LRRK1: variants seen among roughly 807,000 people sequenced by gnomAD.
The protein encoded by LRRK1 is leucine-rich repeat serine/threonine-protein kinase 1.
A neutral mutation model predicts 209.1 loss-of-function variants in LRRK1; 113 were observed. The observed-to-expected ratio is 0.54, with a 90% CI of 0.46 to 0.63. The LOEUF is 0.63. LRRK1 is among the 30% of genes least tolerant of loss of function. The pLI is 0.00. For synonymous variants in LRRK1, 1,144 were observed against 1,099.7 expected (o/e 1.04, Z -0.80); for missense variants, 2,284 against 2,632.2 (o/e 0.87, Z 2.89).
At chr15:100,962,900 C>G (rs1319291804) in intron 2 of LRRK1, among the ~76,000 whole-genome samples, 2 of 138,844 alleles carry the variant, frequency 1.4e-5, no homozygotes, top group Non-Finnish European at 3.1e-5. Context: ...CTCGGCTCAC[C>G]ACAACCTCTA....
Position 101,009,076 on chromosome 15 carries a change from G to C in LRRK1, c.989+13G>C, listed in dbSNP as rs772736759. On this transcript the variant is annotated intron_variant, in intron 7 of 33. Transcript: ENST00000388948. The stretch of plus-strand genomic sequence containing the variant: ...TCATCTGTTCCAGGTGGCTCCCCGG[G>C]GTGTGACCGGAGCCGTGTGTGACCC... 1 of 1,595,032 alleles carries C rather than the reference G, an allele frequency of 6.3e-7. No individual in the cohort carries two copies. The highest frequency in any genetic ancestry group is 8.6e-7 in the Non-Finnish European group (1 of 1,163,288).
intron 23 of LRRK1, among the ~76,000 whole-genome samples, chr15:101,050,115 T>C (rs908366452): frequency 9.2e-5 from 14 of 152,110 alleles, no homozygotes; most frequent in African/African-American, 3.4e-4. Context: ...CGTGTCTTGT[T>C]TTCATAGTGA....
At chr15:100,946,606 C>T (rs1393311861) in intron 2 of LRRK1, among the ~76,000 whole-genome samples, 1 of 152,226 alleles carries the variant, frequency 6.6e-6, no homozygotes, top group Non-Finnish European at 1.5e-5. Context: ...CTCAGCTATA[C>T]AGGCAGTCTC....
At chr15:100,954,095 T>C (rs568226117) in intron 2 of LRRK1, among the ~76,000 whole-genome samples, 3 of 152,258 alleles carry the variant, frequency 2.0e-5, no homozygotes, top group African/African-American at 4.8e-5. Flanking sequence ...TTTGTATTTT[T>C]AGTAGAAATG....
At chr15:100,984,964 G>A (rs765859625) in intron 4 of LRRK1, among the ~76,000 whole-genome samples, 9 of 152,246 alleles carry the variant, frequency 5.9e-5, no homozygotes, top group Non-Finnish European at 8.8e-5. Flanking sequence ...CCCACGTTAC[G>A]TTTAATACTC....
Position 101,021,892 on chromosome 15 carries a change from A to G in LRRK1, c.1787A>G (p.Asn596Ser), listed in dbSNP as rs2033813542. The G allele has an allele frequency of 6.2e-7, 1 of 1,613,854 alleles. No individual in the cohort carries two copies. Among genetic ancestry groups the G allele is most frequent in the African/African-American group, 1.3e-5 (1 of 74,910 alleles). Residue 596 changes from asparagine (N) to serine (S), a missense_variant, in exon 14 of 34, where the codon AAC (asparagine) becomes AGC (serine). Around this residue, in one of 6 missense-constraint regions of LRRK1, gnomAD observed 494 missense variants for 522.1 expected, o/e 0.95. Coordinates refer to ENST00000388948, the MANE Select transcript of LRRK1 (RefSeq NM_024652.6). The stretch of plus-strand genomic sequence containing the variant: ...CCTCCTGAGCTGGGGCAGCTGGGCA[A>G]CCTCTGGCAGCTGGACACTGAAGAC... Reference protein sequence around the residue: ...ELPPELGQLGNLWQLDTEDLT... With the variant: ...ELPPELGQLGSLWQLDTEDLT...
At chr15:100,950,212 C>A (rs955806524) in intron 2 of LRRK1, among the ~76,000 whole-genome samples, 1 of 135,364 alleles carries the variant, frequency 7.4e-6, no homozygotes, top group African/African-American at 2.9e-5. Flanking sequence ...ACTTAACAAT[C>A]TGAAAATTTA....
At chr15:100,954,738 A>G (rs2042719539) in intron 2 of LRRK1, among the ~76,000 whole-genome samples, 1 of 152,148 alleles carries the variant, frequency 6.6e-6, no homozygotes, top group African/African-American at 2.4e-5. Flanking sequence ...GACACTATTT[A>G]TTGAAAAGGC....
rs558357103 is a variant in LRRK1, at chr15:100,964,356, T to C, written c.98-9448T>C. Among the ~76,000 whole-genome samples, 269 of 152,306 alleles carry C rather than the reference T, an allele frequency of 1.8e-3. 1 individual carries two copies. Among genetic ancestry groups the C allele is most frequent in the Admixed American group, 2.9e-3 (45 of 15,298 alleles). On this transcript the variant is annotated intron_variant, in intron 2 of 33. Coordinates refer to ENST00000388948, the MANE Select transcript of LRRK1 (RefSeq NM_024652.6). ...TAAACGGCTGCTGATGCTGAAACGC[T>C]AGAGTGATATCTGGTGAAAAAAGAA... is the stretch of plus-strand genomic sequence containing the variant.
intron 12 of LRRK1, among the ~76,000 whole-genome samples, chr15:101,020,484 C>T (rs1324884943): frequency 6.6e-6 from 1 of 150,712 alleles, no homozygotes; most frequent in African/African-American, 2.5e-5. Context: ...AAGTAATTCT[C>T]CTGCCTCAGC....
chr15:101,064,218 T>C (rs558286578), intron 31 of LRRK1, among the ~76,000 whole-genome samples: 1 of 152,370 alleles, frequency 6.6e-6, no homozygotes, highest in Admixed American at 6.5e-5. Context: ...TGGATTTCGA[T>C]ACGCTTTCTT....
At chr15:101,038,278 C>G (rs1271668269) in intron 20 of LRRK1, among the ~76,000 whole-genome samples, 2 of 152,172 alleles carry the variant, frequency 1.3e-5, no homozygotes, top group African/African-American at 2.4e-5. Flanking sequence ...GTACACTGCT[C>G]AGGTGATGGG....
intron 2 of LRRK1, among the ~76,000 whole-genome samples, chr15:100,942,935 C>A (rs529195044): frequency 3.3e-5 from 5 of 152,144 alleles, no homozygotes; most frequent in African/African-American, 1.2e-4. Flanking sequence ...GTTCTCCATC[C>A]GCCAGTGCTT....
At position 101,068,634 on chromosome 15, in the gene LRRK1, C is replaced by T. The variant is rs1474334528; in HGVS notation, c.5871-37C>T. 5 of 1,531,086 alleles carry T rather than the reference C, an allele frequency of 3.3e-6. No individual in the cohort carries two copies. The Admixed American group carries it at 9.9e-5, about 30-fold the overall frequency. 94.8% of individuals were successfully genotyped at this position (1,531,086 alleles called of 1,614,324 possible). ...GGTCCCAACCCCACCCGAGTGGGAACCCCTGTGAGTTTCCTCAGACCCCCT... is the reference window on the plus strand; with the variant it reads ...GGTCCCAACCCCACCCGAGTGGGAATCCCTGTGAGTTTCCTCAGACCCCCT... On this transcript the variant is annotated intron_variant, in intron 33 of 33. Coordinates refer to ENST00000388948, the MANE Select transcript of LRRK1 (RefSeq NM_024652.6).
chr15:101,059,389 C>CCCTG (rs2036021774), intron 29 of LRRK1, among the ~76,000 whole-genome samples: 1 of 151,138 alleles, frequency 6.6e-6, no homozygotes, highest in South Asian at 2.1e-4. Flanking sequence ...CAGAGTGAGA[C>CCCTG]CCTGCCTCAG....
At chr15:101,067,160 C>T (rs1351180985) in intron 33 of LRRK1, 1 of 429,282 alleles carries the variant, frequency 2.3e-6, no homozygotes, top group African/African-American at 2.0e-5. Flanking sequence ...ACCTTGTCAT[C>T]TCCAAGCCTG....
rs768518027 is a variant in LRRK1 at position 101,053,302 on chromosome 15, C to G, written c.3936C>G (p.His1312Gln). Reference protein sequence around the residue: ...SEFRQEASMLHALQHPCIVAL... With the variant: ...SEFRQEASMLQALQHPCIVAL... ...TCCGGCAGGAGGCCAGCATGCTGCA[C>G]GCGCTGCAGCACCCCTGCATCGTGG... Residue 1312 changes from histidine to glutamine, a missense_variant, in exon 26 of 34, where the codon CAC becomes CAG. Around this residue, in one of 6 missense-constraint regions of LRRK1, gnomAD observed 780 missense variants for 985.2 expected, o/e 0.79. Coordinates refer to ENST00000388948, the MANE Select transcript of LRRK1 (RefSeq NM_024652.6). 6.2e-7 allele frequency: 1 copy of G among 1,605,762 alleles called. No homozygotes were observed. Among genetic ancestry groups the G allele is most frequent in the South Asian group, 1.1e-5 (1 of 91,076 alleles).
chr15:101,007,550 A>ACGGCAAGAGCGCCAGCCACCAGGAC (rs1416954505), intron 6 of LRRK1, among the ~76,000 whole-genome samples: 2 of 152,214 alleles, frequency 1.3e-5, no homozygotes, highest in African/African-American at 4.8e-5. Context: ...CAGGACTTCA[A>ACGGCAAGAGCGCCAGCCACCAGGAC]CGGCAAGAGC....
rs917039804 is a variant in LRRK1 at position 101,076,583 on chromosome 15, G to A, written c.*7735G>A. ...ACCAGCAAAGGCAGGCTGTGCTATA[G>A]TACAAGCCGCTAGCCCGCCTCTTAG... On this transcript the variant is annotated 3_prime_UTR_variant, in exon 34 of 34. Transcript: ENST00000388948. The A allele has an allele frequency of 6.6e-6, 1 of 152,476 alleles. No homozygotes were observed. The highest frequency in any genetic ancestry group is 1.5e-5 in the Non-Finnish European group (1 of 68,288). 9.4% of individuals were successfully genotyped at this position (152,476 alleles called of 1,614,324 possible).
Sources: allele counts gnomAD v4.1 joint callset (sites outside exome capture counted in the v4.1 genomes callset), GRCh38; gene constraint gnomAD v4.1.1; regional missense constraint gnomAD v4.1.1; transcripts MANE v1.5; gene names NCBI Gene and HGNC (gene_info 2026-07-23, HGNC 2026-07-21).